Variants in CUL4B observed in about 807,000 individuals in gnomAD.
CUL4B encodes cullin 4B.
A neutral mutation model predicts 69.2 loss-of-function variants in CUL4B; 1 was observed. The observed-to-expected ratio is 0.01, with a 90% CI of 0.01 to 0.07. The LOEUF (loss-of-function observed/expected upper bound fraction) is 0.07. Among genes scored for constraint, CUL4B ranks in the 10% least tolerant of loss-of-function variants. The pLI, the probability that CUL4B is intolerant of heterozygous loss-of-function variation, is 1.00. For missense variants in CUL4B, 328 were observed against 638.8 expected (o/e 0.51, Z 5.24); for synonymous variants, 237 against 223.2 (o/e 1.06, Z -0.55).
At chrX:120,575,108 G>A (rs959876964) in intron 1 of CUL4B, among the ~76,000 whole-genome samples, 11 of 111,973 alleles carry the variant, frequency 9.8e-5, no homozygotes, top group Non-Finnish European at 1.9e-4. Context: ...GCCATCTTGT[G>A]ATCACCACTT....
downstream of CUL4B, among the ~76,000 whole-genome samples, chrX:120,570,642 G>A (rs1388771539): frequency 8.9e-6 from 1 of 112,255 alleles, no homozygotes; most frequent in African/African-American, 3.2e-5. Flanking sequence ...TTCCTATTCT[G>A]CATGCAGACT....
At chrX:120,537,416 C>A (rs1228658360) in intron 14 of CUL4B, among the ~76,000 whole-genome samples, 1 of 110,632 alleles carries the variant, frequency 9.0e-6, no homozygotes, top group Non-Finnish European at 1.9e-5. Flanking sequence ...TTCCTCACCC[C>A]CCAGCCAGCC....
chrX:120,532,786 G>A (rs1054455455), intron 17 of CUL4B, among the ~76,000 whole-genome samples, 192 bp from the exon 18 acceptor site: 2 of 111,004 alleles, frequency 1.8e-5, no homozygotes, highest in Non-Finnish European at 1.9e-5. Context: ...AAATAGAGGC[G>A]GGGTTTCACC....
chrX:120,534,376 AACTCAAAACAGTT>A (rs1263564838), intron 17 of CUL4B, 92 bp downstream of exon 17: 13 of 595,931 alleles, frequency 2.2e-5, no homozygotes, highest in Non-Finnish European at 3.7e-5. Context: ...AGAAAAAAAA[AACTCAAAACAGTT>A]CTGAGGCAAG....
rs374721965 is a variant in CUL4B at position 120,560,689 on chromosome X, T to C, written c.-51A>G. On this transcript the variant is annotated 5_prime_UTR_variant, in exon 1 of 20. Transcript: ENST00000371322. ...GGAGCATCAAAAACCTACGTTTATATGCCTGCGTGCGTGTAGGAGAGAAGG... is the reference window on the plus strand; with the variant it reads ...GGAGCATCAAAAACCTACGTTTATACGCCTGCGTGCGTGTAGGAGAGAAGG... The C allele has an allele frequency of 4.9e-4, 581 of 1,183,250 alleles. No homozygotes were observed. Among genetic ancestry groups the C allele is most frequent in the Non-Finnish European group, 6.3e-4 (559 of 888,972 alleles).
At chrX:120,545,224 A>G (rs1924243205) in intron 5 of CUL4B, among the ~76,000 whole-genome samples, 1 of 112,294 alleles carries the variant, frequency 8.9e-6, no homozygotes. Flanking sequence ...GCTAACAAAA[A>G]ACTTCTTCAT....
chrX:120,539,201 T>C (rs1191158697), intron 12 of CUL4B, 67 bp downstream of exon 12: 1 of 602,082 alleles, frequency 1.7e-6, no homozygotes, highest in Non-Finnish European at 2.6e-6. Context: ...AGTTTGAATA[T>C]ACTTGCTAGC....
At chrX:120,543,489 C>G (rs1219198571) in intron 8 of CUL4B, among the ~76,000 whole-genome samples, 1 of 65,818 alleles carries the variant, frequency 1.5e-5, no homozygotes, top group Non-Finnish European at 2.7e-5. Flanking sequence ...TCTAAATTAC[C>G]TTCTAAACAC....
In CUL4B at chrX:120,551,757, G is replaced by A. The variant is rs1006677012; in HGVS notation, c.673-4518C>T. ...TTTCTTTTTAAAAAATGCTGGTCAC[G>A]AACTATTAATTTCATGAACCTATTA... On this transcript the variant is annotated intron_variant, in intron 2 of 19. Transcript: ENST00000371322. 6.2e-5 allele frequency among the ~76,000 whole-genome samples: 7 copies of A among 112,063 alleles called. No homozygotes were observed. In the South Asian group the frequency reaches 1.5e-3, roughly 23 times the overall value.
At chrX:120,527,134 A>G (rs1923022163) in intron 19 of CUL4B, among the ~76,000 whole-genome samples, 1 of 106,988 alleles carries the variant, frequency 9.3e-6, no homozygotes, top group African/African-American at 3.4e-5. Context: ...ACTTTGGCTC[A>G]CTGCAACCTC....
chrX:120,546,418 G>A (rs1924330184), intron 4 of CUL4B, 129 bp downstream of exon 4: 46 of 431,864 alleles, frequency 1.1e-4, no homozygotes, highest in Middle Eastern at 6.5e-4. Flanking sequence ...GAAAAAAAAA[G>A]AAAAGGAATA....
rs754181214 is a variant in CUL4B at position 120,557,196 on chromosome X, C to T, written c.672+728G>A. Among the ~76,000 whole-genome samples, 14 of 111,598 alleles carry T rather than the reference C, an allele frequency of 1.3e-4. No individual in the cohort carries two copies. The East Asian group carries it at 3.9e-3, about 31-fold the overall frequency. ...AAAGTGCTGGGATTACAGGTGTGAG[C>T]CACCGTGCCCGGCCTGAAGTATCTT... is the stretch of plus-strand genomic sequence containing the variant. On this transcript the variant is annotated intron_variant, in intron 2 of 19. Transcript: ENST00000371322.
intron 2 of CUL4B, among the ~76,000 whole-genome samples, chrX:120,574,046 C>G (rs1486053384): frequency 1.8e-5 from 2 of 109,637 alleles, no homozygotes; most frequent in African/African-American, 3.3e-5. Flanking sequence ...AGGCTGCTCT[C>G]GAATTCCTGA....
chrX:120,527,638 CTA>C (rs1569385436), intron 19 of CUL4B, among the ~76,000 whole-genome samples: 1 of 111,454 alleles, frequency 9.0e-6, no homozygotes, highest in Non-Finnish European at 1.9e-5. Context: ...CAAAATTCAT[CTA>C]TGTTTCATAC....
chrX:120,569,209 AAC>A (rs1925640200), downstream of CUL4B, among the ~76,000 whole-genome samples: 1 of 111,486 alleles, frequency 9.0e-6, no homozygotes, highest in Admixed American at 9.5e-5. Context: ...AATCCAGGAA[AAC>A]AGTGAAGGAA....
At chrX:120,528,997 G>C (rs1389993201) in intron 19 of CUL4B, among the ~76,000 whole-genome samples, 1 of 111,876 alleles carries the variant, frequency 8.9e-6, no homozygotes, top group Admixed American at 9.6e-5. Flanking sequence ...TTGTTCAAGA[G>C]GGGAAAAGAG....
chrX:120,538,039 A>T, intron 14 of CUL4B, 85 bp downstream of exon 14: 1 of 681,888 alleles, frequency 1.5e-6, no homozygotes, highest in Non-Finnish European at 2.3e-6. Flanking sequence ...ACACGTTTCT[A>T]TTTATCCTCT....
chrX:120,563,204 A>T (rs1314729294), upstream of CUL4B, among the ~76,000 whole-genome samples: 1 of 111,796 alleles, frequency 8.9e-6, no homozygotes, highest in African/African-American at 3.3e-5. Context: ...AAGCACTCCT[A>T]TCTGTTTTGA....
At position 120,560,867 on chromosome X, in the gene CUL4B, G is replaced by C; in HGVS notation, c.-229C>G. 3 of 753,467 alleles carry C rather than the reference G, an allele frequency of 4.0e-6. No homozygotes were observed. Among genetic ancestry groups the C allele is most frequent in the Non-Finnish European group, 4.7e-6 (3 of 639,051 alleles). The allele number at this position is 753,467 out of a possible 1,213,427, so 62.1% of individuals were successfully genotyped here. On this transcript the variant is annotated 5_prime_UTR_variant, in exon 1 of 20. Transcript: ENST00000371322. ...AGTGAGCAGAACGAGGGGGGAGAGCGAATGAGGAGGCAGACAGGTAAACGG... is the reference window on the plus strand; with the variant it reads ...AGTGAGCAGAACGAGGGGGGAGAGCCAATGAGGAGGCAGACAGGTAAACGG...
Sources: gnomAD v4.1 joint callset for allele counts (sites outside exome capture counted in the v4.1 genomes callset) on GRCh38, gnomAD v4.1.1 for gene constraint, MANE v1.5 for transcripts, NCBI Gene and HGNC (gene_info 2026-07-23, HGNC 2026-07-21) for gene names.